CPED1: variants seen among roughly 807,000 people sequenced by gnomAD.
The protein encoded by CPED1 is cadherin like and PC-esterase domain containing 1.
CPED1 carries 114 observed loss-of-function variants against 128.2 expected under a neutral mutation model. That is an observed-to-expected ratio of 0.89 (90% confidence interval 0.76 to 1.04). The LOEUF is 1.04. Ranked by LOEUF, CPED1 falls within the 50% of genes least tolerant of loss-of-function variation. CPED1 has a pLI of 0.00. For missense variants in CPED1, 1,211 were observed against 1,207.1 expected (o/e 1.00, Z -0.05); for synonymous variants, 462 against 426.7 (o/e 1.08, Z -1.02).
At position 121,218,376 on chromosome 7, in the gene CPED1, A is replaced by G. The variant is rs577523450; in HGVS notation, c.2056-18338A>G. 6.6e-5 allele frequency among the ~76,000 whole-genome samples: 10 copies of G among 151,686 alleles called. No individual in the cohort carries two copies. In the South Asian group the frequency reaches 1.9e-3, roughly 28 times the overall value. The stretch of plus-strand genomic sequence containing the variant: ...GACTGCATCTTTTATTAAATATTCA[A>G]CTCTCTTAGTAGTGCCACTCAAGCA... On this transcript the variant is annotated intron_variant, in intron 16 of 22. Coordinates refer to ENST00000310396, the MANE Select transcript of CPED1 (RefSeq NM_024913.5).
At chr7:121,148,911 G>T (rs759654371) in intron 16 of CPED1, among the ~76,000 whole-genome samples, 3 of 152,050 alleles carry the variant, frequency 2.0e-5, no homozygotes, top group Non-Finnish European at 2.9e-5. Context: ...ATAAAAATTT[G>T]GGGGCCCCTA....
intron 22 of CPED1, among the ~76,000 whole-genome samples, chr7:121,287,391 ACT>A (rs1170305740): frequency 2.0e-5 from 3 of 152,058 alleles, no homozygotes; most frequent in Non-Finnish European, 4.4e-5. Flanking sequence ...TGAAATGGTG[ACT>A]CTCTAAGAGA....
At chr7:121,075,033 A>G (rs1563015725) in intron 5 of CPED1, among the ~76,000 whole-genome samples, 1 of 152,148 alleles carries the variant, frequency 6.6e-6, no homozygotes, top group Non-Finnish European at 1.5e-5. Context: ...GTACACATCA[A>G]GGCATTCAGC....
chr7:121,211,646 G>T (rs1226569614), intron 16 of CPED1, among the ~76,000 whole-genome samples: 1 of 152,068 alleles, frequency 6.6e-6, no homozygotes, highest in Non-Finnish European at 1.5e-5. Context: ...AGGCAGATCT[G>T]CTGAGCATGT....
chr7:121,010,602 A>G (rs760590175), intron 2 of CPED1, among the ~76,000 whole-genome samples: 2 of 152,188 alleles, frequency 1.3e-5, no homozygotes, highest in Non-Finnish European at 2.9e-5. Context: ...TCTTATTTGT[A>G]TATAAATCCA....
chr7:121,260,622 G>T (rs1018627106), intron 18 of CPED1, among the ~76,000 whole-genome samples: 2 of 147,384 alleles, frequency 1.4e-5, no homozygotes, highest in African/African-American at 2.5e-5. Context: ...TAACAAATAA[G>T]ACTCCTCCTT....
At chr7:121,251,992 G>A (rs1584632767) in intron 18 of CPED1, among the ~76,000 whole-genome samples, 1 of 151,710 alleles carries the variant, frequency 6.6e-6, no homozygotes, top group East Asian at 1.9e-4. Context: ...CCAAAAAAGA[G>A]CCCGCATTGC....
intron 16 of CPED1, among the ~76,000 whole-genome samples, chr7:121,200,286 G>C (rs533948980): frequency 1.1e-4 from 17 of 152,144 alleles, no homozygotes; most frequent in African/African-American, 3.6e-4. Context: ...AGAAAATTCT[G>C]GGTTAAAGAA....
chr7:121,118,364 C>T (rs145800248), intron 7 of CPED1, among the ~76,000 whole-genome samples: 3,242 of 152,024 alleles, frequency 0.021, 120 homozygotes, highest in African/African-American at 0.073. Flanking sequence ...AGTTCGAGAA[C>T]AGCCTGGCCA....
chr7:121,015,982 T>C (rs547513712), intron 3 of CPED1, 134 bp downstream of exon 3: 77 of 530,500 alleles, frequency 1.5e-4, no homozygotes, highest in South Asian at 5.5e-4. Context: ...TCTCACATCA[T>C]AGAAAACTTA....
chr7:121,194,155 C>T (rs1029880219), intron 16 of CPED1, among the ~76,000 whole-genome samples: 15 of 147,946 alleles, frequency 1.0e-4, no homozygotes, highest in African/African-American at 3.7e-4. Context: ...TCAAGCAATT[C>T]TCCTGCCTCA....
At chr7:121,063,582 C>CT (rs1793742656) in intron 4 of CPED1, among the ~76,000 whole-genome samples, 2 of 151,986 alleles carry the variant, frequency 1.3e-5, no homozygotes, top group Admixed American at 1.3e-4. Flanking sequence ...AAAAATGAAT[C>CT]TGATTTTCAA....
At chr7:121,229,957 G>A (rs536080276) in intron 16 of CPED1, among the ~76,000 whole-genome samples, 1 of 152,112 alleles carries the variant, frequency 6.6e-6, no homozygotes, top group South Asian at 2.1e-4. Context: ...AAGACTGGAT[G>A]GAGATTAGCC....
At chr7:121,288,340 A>T (rs1792626734) in intron 22 of CPED1, among the ~76,000 whole-genome samples, 1 of 152,228 alleles carries the variant, frequency 6.6e-6, no homozygotes, top group Admixed American at 6.5e-5. Flanking sequence ...TGGGCCAGCC[A>T]CTGGCCTGGG....
intron 16 of CPED1, among the ~76,000 whole-genome samples, chr7:121,223,393 A>G (rs1234024799): frequency 1.3e-5 from 2 of 152,136 alleles, no homozygotes; most frequent in African/African-American, 2.4e-5. Context: ...ATTGATGTTC[A>G]TCATGGATAT....
intron 4 of CPED1, among the ~76,000 whole-genome samples, chr7:121,059,884 C>T (rs1044548774): frequency 7.2e-5 from 11 of 152,232 alleles, no homozygotes; most frequent in Admixed American, 5.9e-4. Flanking sequence ...TTCAGGAGCC[C>T]TTCAGCCCAC....
At chr7:121,286,281 T>C (rs1226020037) in intron 22 of CPED1, among the ~76,000 whole-genome samples, 4 of 152,130 alleles carry the variant, frequency 2.6e-5, no homozygotes, top group Non-Finnish European at 5.9e-5. Context: ...CAATTCACGA[T>C]GAGATTCAGG....
At chr7:121,244,055 C>G in intron 17 of CPED1, 147 bp from the exon 18 acceptor site, 1 of 898,532 alleles carries the variant, frequency 1.1e-6, no homozygotes. Flanking sequence ...TGGCAGGAAG[C>G]CATGCCTTCA....
intron 21 of CPED1, among the ~76,000 whole-genome samples, chr7:121,268,169 C>G (rs1409928749): frequency 6.6e-6 from 1 of 152,116 alleles, no homozygotes; most frequent in African/African-American, 2.4e-5. Context: ...GAGAGGGGAC[C>G]TTTGATAATG....
Sources: allele counts gnomAD v4.1 joint callset (sites outside exome capture counted in the v4.1 genomes callset), GRCh38; gene constraint gnomAD v4.1.1; transcripts MANE v1.5; gene names NCBI Gene and HGNC (gene_info 2026-07-23, HGNC 2026-07-21).